Variants in OPA1 observed in about 807,000 individuals in gnomAD.
OPA1 encodes the protein OPA1 mitochondrial dynamin like GTPase, also known as dynamin-like GTPase OPA1, mitochondrial.
Under a neutral mutation model 152.9 loss-of-function variants are expected in OPA1, and 59 were observed. The ratio of observed to expected loss-of-function variants is 0.39; its 90% confidence interval spans 0.31 to 0.48. The LOEUF is 0.48. Ranked by LOEUF, OPA1 falls within the 20% of genes least tolerant of loss-of-function variation. The pLI, the probability that OPA1 is intolerant of heterozygous loss-of-function variation, is 0.96. For missense variants in OPA1, 1,008 were observed against 1,216.8 expected (o/e 0.83, Z 2.55); for synonymous variants, 400 against 389.9 (o/e 1.03, Z -0.31).
chr3:193,676,851 G>A (rs975268157), intron 29 of OPA1, among the ~76,000 whole-genome samples: 9 of 151,908 alleles, frequency 5.9e-5, no homozygotes, highest in African/African-American at 1.7e-4. Context: ...CGTGGTGGCG[G>A]GCGCCTGTAG....
intron 8 of OPA1, 24 bp from the exon 9 acceptor site, chr3:193,635,394 G>A (rs778408964): frequency 7.1e-7 from 1 of 1,406,952 alleles, no homozygotes; most frequent in South Asian, 1.2e-5. Context: ...TGCTTATATA[G>A]TTACACTTAT....
At chr3:193,659,800 GT>G (rs1451351022) in intron 25 of OPA1, among the ~76,000 whole-genome samples, 1 of 152,086 alleles carries the variant, frequency 6.6e-6, no homozygotes, top group Non-Finnish European at 1.5e-5. Context: ...CCCTTTTGTG[GT>G]TGATTACATT....
chr3:193,620,177 A>G (rs1577174247), intron 6 of OPA1, among the ~76,000 whole-genome samples: 1 of 152,200 alleles, frequency 6.6e-6, no homozygotes, highest in Admixed American at 6.5e-5. Context: ...GAGCTAATCT[A>G]ATGGGGAGAA....
In OPA1 at chr3:193,638,050, A is replaced by G. The variant is rs761877075; in HGVS notation, c.1134A>G (p.Thr378=). 1 of 1,613,794 alleles carries G rather than the reference A, an allele frequency of 6.2e-7. No homozygotes were observed. The highest frequency in any genetic ancestry group is 8.5e-7 in the Non-Finnish European group (1 of 1,179,686). ...IFPRGSGEMM[T]RSPVKVTLSE... ...CAAGAGGATCTGGGGAGATGATGAC[A>G]CGTTCTCCAGTTAAGGTAAGAACAT... Residue 378 remains threonine, a synonymous_variant, in exon 11 of 31, where the codon ACA becomes ACG. Transcript: ENST00000361510.
intron 1 of OPA1, among the ~76,000 whole-genome samples, chr3:193,599,165 A>G (rs1377297740): frequency 6.6e-6 from 1 of 152,148 alleles, no homozygotes; most frequent in Non-Finnish European, 1.5e-5. Context: ...ACTTTGACCT[A>G]ACATTATCTT....
At chr3:193,652,567 C>T (rs767563965) in intron 21 of OPA1, among the ~76,000 whole-genome samples, 30 of 152,122 alleles carry the variant, frequency 2.0e-4, no homozygotes, top group Non-Finnish European at 3.8e-4. Flanking sequence ...GACTTAACTT[C>T]TACTTTCTAA....
At chr3:193,663,537 T>A (rs923317136) in intron 26 of OPA1, among the ~76,000 whole-genome samples, 1 of 152,152 alleles carries the variant, frequency 6.6e-6, no homozygotes, top group Non-Finnish European at 1.5e-5. Context: ...AAAAAATACT[T>A]TCGGGCCCAC....
rs1463006313 is a variant in OPA1 at position 193,666,345 on chromosome 3, C to A, written c.2828C>A (p.Ala943Asp). Residue 943 changes from alanine to aspartate, a missense_variant, in exon 28 of 31, where the codon GCT becomes GAT. This residue lies in a region of OPA1 where 137 missense variants were observed against 171.0 expected (regional missense o/e 0.80). Coordinates refer to ENST00000361510, the MANE Select transcript of OPA1 (RefSeq NM_130837.3). ...TTTTGGCGTATACAGCGCATGCTTGCTATCACCGCAAATACTTTAAGGCAA... is the reference window on the plus strand; with the variant it reads ...TTTTGGCGTATACAGCGCATGCTTGATATCACCGCAAATACTTTAAGGCAA... ...VLFWRIQRML[A>D]ITANTLRQQL... 1 of 1,614,118 alleles carries A rather than the reference C, an allele frequency of 6.2e-7. No homozygotes were observed. Among genetic ancestry groups the A allele is most frequent in the South Asian group, 1.1e-5 (1 of 91,080 alleles).
intron 25 of OPA1, among the ~76,000 whole-genome samples, chr3:193,662,285 GCAGTCTGAAGTAC>G (rs1324989910): frequency 6.6e-6 from 1 of 152,142 alleles, no homozygotes; most frequent in Admixed American, 6.6e-5. Context: ...CCTCACAGGA[GCAGTCTGAAGTAC>G]CATTTTTTAT....
intron 21 of OPA1, among the ~76,000 whole-genome samples, chr3:193,651,349 C>T (rs934946416): frequency 2.0e-5 from 3 of 152,074 alleles, no homozygotes; most frequent in Non-Finnish European, 4.4e-5. Context: ...AGTGGTAGTA[C>T]AGGTAGAGAA....
chr3:193,608,580 A>G (rs2108831142), intron 1 of OPA1, among the ~76,000 whole-genome samples: 1 of 152,164 alleles, frequency 6.6e-6, no homozygotes, highest in East Asian at 1.9e-4. Flanking sequence ...GTTTGTTATA[A>G]TTTGTATTCT....
chr3:193,694,027 A>G (rs1722015548), intron 30 of OPA1, among the ~76,000 whole-genome samples: 1 of 152,204 alleles, frequency 6.6e-6, no homozygotes, highest in Admixed American at 6.5e-5. Flanking sequence ...AAAGCCAGCC[A>G]GTGTTTTACA....
intron 29 of OPA1, chr3:193,668,440 C>A (rs1013230322): frequency 6.4e-7 from 1 of 1,550,680 alleles, no homozygotes; most frequent in Non-Finnish European, 8.7e-7. Context: ...TGCTCTTCGT[C>A]ATGGAGTCCC....
At chr3:193,659,786 A>G (rs1048356064) in intron 25 of OPA1, among the ~76,000 whole-genome samples, 6 of 152,196 alleles carry the variant, frequency 3.9e-5, no homozygotes, top group African/African-American at 1.4e-4. Context: ...GAGATGAAAC[A>G]TGCCCCTTTT....
At position 193,617,270 on chromosome 3, in the gene OPA1, G is replaced by C. The variant is rs780818428; in HGVS notation, c.541G>C (p.Asp181His). 6.2e-7 allele frequency: 1 copy of C among 1,608,176 alleles called. No homozygotes were observed. The highest frequency in any genetic ancestry group is 8.5e-7 in the Non-Finnish European group (1 of 1,174,952). ...KIVESLSLLK[D>H]FFTSGHKLVS... is the part of the protein sequence containing the mutation. Reference sequence around the variant, plus strand: ...TGTTGAAAGCCTTAGCTTATTGAAGGACTTTTTTACCTCAGGTAAGGAAGA... The same window carrying C: ...TGTTGAAAGCCTTAGCTTATTGAAGCACTTTTTTACCTCAGGTAAGGAAGA... Residue 181 changes from aspartate to histidine, a missense_variant, in exon 4 of 31, where the codon GAC becomes CAC. Coordinates refer to ENST00000361510, the MANE Select transcript of OPA1 (RefSeq NM_130837.3).
intron 1 of OPA1, among the ~76,000 whole-genome samples, chr3:193,596,032 G>T (rs1054004152): frequency 5.3e-5 from 8 of 152,132 alleles, no homozygotes; most frequent in Admixed American, 3.3e-4. Flanking sequence ...TAAAGGATAA[G>T]ATACAAAACA....
chr3:193,669,392 T>C (rs929031742), intron 29 of OPA1, among the ~76,000 whole-genome samples: 1 of 152,260 alleles, frequency 6.6e-6, no homozygotes, highest in Non-Finnish European at 1.5e-5. Flanking sequence ...ACCTTGGCAA[T>C]GTAGTTAAGT....
chr3:193,667,050 G>C, intron 28 of OPA1, 120 bp from the exon 29 acceptor site: 1 of 657,930 alleles, frequency 1.5e-6, no homozygotes. Flanking sequence ...ACTATGAAAA[G>C]TATTAGCAAT....
rs535850857 is a variant in OPA1 at position 193,693,832 on chromosome 3, A to G, written c.*6-774A>G. On this transcript the variant is annotated intron_variant, in intron 30 of 30. Coordinates refer to ENST00000361510, the MANE Select transcript of OPA1 (RefSeq NM_130837.3). Reference sequence around the variant, plus strand: ...CACCCTAATCATGGTGGTTACCGTGAATACTTACTATTAGAAATAAACATC... The same window carrying G: ...CACCCTAATCATGGTGGTTACCGTGGATACTTACTATTAGAAATAAACATC... Among the ~76,000 whole-genome samples, 7 of 152,330 alleles carry G rather than the reference A, an allele frequency of 4.6e-5. 1 individual carries two copies. Among genetic ancestry groups the G allele is most frequent in the Non-Finnish European group, 1.0e-4 (7 of 68,036 alleles).
Sources: allele counts gnomAD v4.1 joint callset (sites outside exome capture counted in the v4.1 genomes callset), GRCh38; gene constraint gnomAD v4.1.1; regional missense constraint gnomAD v4.1.1; transcripts MANE v1.5; gene names NCBI Gene and HGNC (gene_info 2026-07-23, HGNC 2026-07-21).